The following RMDN2 variants were observed in gnomAD, a reference collection of about 807,000 sequenced individuals.
The protein encoded by RMDN2 is regulator of microtubule dynamics protein 2.
A neutral mutation model predicts 52.8 loss-of-function variants in RMDN2; 61 were observed. The ratio of observed to expected loss-of-function variants is 1.16; its 90% CI spans 0.94 to 1.43. The LOEUF is 1.43. RMDN2 is among the 40% of genes most tolerant of loss of function. The probability of loss-of-function intolerance (pLI) is 0.00; values close to 1 mark genes in which losing one functional copy is unlikely to be tolerated. For missense variants in RMDN2, 592 were observed against 475.3 expected, an observed-to-expected ratio of 1.25 and a Z score of -2.28; for synonymous variants, 180 against 153.1, an observed-to-expected ratio of 1.18 and a Z score of -1.30.
intron 1 of RMDN2, 198 bp from the exon 2 acceptor site, chr2:37,929,064 T>A: frequency 2.3e-6 from 1 of 438,834 alleles, no homozygotes; most frequent in Non-Finnish European, 4.1e-6. Flanking sequence ...TAACTTAATA[T>A]GATAATTCTT....
intron 2 of RMDN2, among the ~76,000 whole-genome samples, chr2:37,935,885 T>G (rs1230651223): frequency 1.3e-5 from 2 of 152,174 alleles, no homozygotes; most frequent in African/African-American, 4.8e-5. Flanking sequence ...ATGTTTAGGT[T>G]ATCATGTTTT....
At chr2:37,978,402 A>G (rs928038918) in intron 4 of RMDN2, among the ~76,000 whole-genome samples, 1 of 152,136 alleles carries the variant, frequency 6.6e-6, no homozygotes, top group African/African-American at 2.4e-5. Context: ...ATTATGTACT[A>G]AGGTAGGAAT....
intron 10 of RMDN2, among the ~76,000 whole-genome samples, chr2:38,041,232 G>C (rs1489789095): frequency 3.3e-5 from 5 of 152,122 alleles, no homozygotes; most frequent in African/African-American, 1.2e-4. Flanking sequence ...AGCAGTGTCT[G>C]ACAAATGCAC....
intron 10 of RMDN2, among the ~76,000 whole-genome samples, chr2:38,061,717 AG>A (rs752943423): frequency 1.3e-5 from 2 of 152,078 alleles, no homozygotes; most frequent in Non-Finnish European, 2.9e-5. Context: ...CCATCCCACT[AG>A]AATATCAGCT....
Position 38,047,300 on chromosome 2 carries a change from G to C in RMDN2, c.1714-19682G>C, listed in dbSNP as rs908114136. Among the ~76,000 whole-genome samples the C allele has an allele frequency of 1.3e-5, 2 of 152,116 alleles. 1 individual carries two copies. Among genetic ancestry groups the C allele is most frequent in the South Asian group, 4.1e-4 (2 of 4,830 alleles). ...AAAATAATTCTCTATAAATATGTTC[G>C]TATAAAGATTTGTATGTGAATATTC... On this transcript the variant is annotated intron_variant, in intron 10 of 10. Coordinates refer to the RMDN2 transcript ENST00000234195.
intron 8 of RMDN2, among the ~76,000 whole-genome samples, chr2:37,999,830 G>A (rs1676077888): frequency 6.6e-6 from 1 of 152,142 alleles, no homozygotes; most frequent in Admixed American, 6.5e-5. Context: ...CGTAGAGGTT[G>A]AGAACACTAG....
chr2:37,995,444 A>C (rs527710725), intron 7 of RMDN2, among the ~76,000 whole-genome samples: 1 of 152,110 alleles, frequency 6.6e-6, no homozygotes, highest in Admixed American at 6.6e-5. Flanking sequence ...TTTAATTCAC[A>C]AGGAAAGTGT....
chr2:38,012,648 A>T (rs1391494726), intron 10 of RMDN2: 1 of 459,684 alleles, frequency 2.2e-6, no homozygotes, highest in Admixed American at 2.6e-5. Flanking sequence ...CAAGTAGTAA[A>T]GGTATGTAAG....
At chr2:38,002,288 G>T (rs548716068) in intron 8 of RMDN2, among the ~76,000 whole-genome samples, 1 of 152,114 alleles carries the variant, frequency 6.6e-6, no homozygotes, top group African/African-American at 2.4e-5. Flanking sequence ...AAACACACAT[G>T]TACACAAGCA....
downstream of RMDN2, among the ~76,000 whole-genome samples, chr2:38,019,838 T>G (rs78301384): frequency 7.4e-4 from 113 of 152,188 alleles, 2 homozygotes; most frequent in East Asian, 0.019. Flanking sequence ...GGTGGGAGGA[T>G]TACTTCAACC....
intron 2 of RMDN2, among the ~76,000 whole-genome samples, chr2:37,936,755 G>T (rs1667325287): frequency 6.6e-6 from 1 of 152,076 alleles, no homozygotes; most frequent in Admixed American, 6.5e-5. Flanking sequence ...CTTTTTTCTT[G>T]TAAATTTGTT....
At chr2:37,934,365 G>T (rs1200048519) in intron 2 of RMDN2, among the ~76,000 whole-genome samples, 1 of 152,010 alleles carries the variant, frequency 6.6e-6, no homozygotes, top group African/African-American at 2.4e-5. Context: ...CCTTTTCTGG[G>T]GCTCAGCTGA....
At chr2:37,937,081 A>C (rs900354153) in intron 2 of RMDN2, among the ~76,000 whole-genome samples, 1 of 152,074 alleles carries the variant, frequency 6.6e-6, no homozygotes, top group African/African-American at 2.4e-5. Context: ...TTTTTGTATC[A>C]GGTGTAAGGA....
chr2:37,994,693 A>G (rs1243504022), intron 7 of RMDN2, among the ~76,000 whole-genome samples: 1 of 152,214 alleles, frequency 6.6e-6, no homozygotes, highest in Non-Finnish European at 1.5e-5. Context: ...AAAAGATGAC[A>G]ATACCAAGTA....
chr2:38,050,418 T>C (rs547800104), intron 10 of RMDN2, among the ~76,000 whole-genome samples: 2 of 152,220 alleles, frequency 1.3e-5, no homozygotes, highest in South Asian at 4.1e-4. Context: ...TCTCTGATTC[T>C]CCTTTTGTGT....
At chr2:37,955,775 A>G (rs966391395) in intron 2 of RMDN2, among the ~76,000 whole-genome samples, 1 of 152,114 alleles carries the variant, frequency 6.6e-6, no homozygotes, top group African/African-American at 2.4e-5. Context: ...TGTAAGTCCA[A>G]TTAAACCTCT....
At chr2:38,023,145 T>A (rs977025848) in intron 10 of RMDN2, among the ~76,000 whole-genome samples, 1 of 152,178 alleles carries the variant, frequency 6.6e-6, no homozygotes, top group African/African-American at 2.4e-5. Context: ...TTACCCCATT[T>A]AAGATAGGGG....
intron 7 of RMDN2, among the ~76,000 whole-genome samples, chr2:37,996,517 G>A (rs975617151): frequency 6.7e-6 from 1 of 149,680 alleles, no homozygotes; most frequent in Admixed American, 6.7e-5. Context: ...CCAGGAGGTC[G>A]AGGCTGCAGT....
intron 10 of RMDN2, among the ~76,000 whole-genome samples, chr2:38,012,833 T>C (rs1468146021): frequency 2.0e-5 from 3 of 152,258 alleles, no homozygotes; most frequent in African/African-American, 7.2e-5. Flanking sequence ...GAGGACAACC[T>C]AGCCATCAGT....
Sources: gnomAD v4.1 joint callset for allele counts (sites outside exome capture counted in the v4.1 genomes callset) on GRCh38, gnomAD v4.1.1 for gene constraint, MANE v1.5 for transcripts, NCBI Gene and HGNC (gene_info 2026-07-23, HGNC 2026-07-21) for gene names.